The following CCSAP variants were observed in gnomAD, a reference collection of about 807,000 sequenced individuals.
CCSAP encodes centriole, cilia and spindle-associated protein.
CCSAP carries 17 observed loss-of-function variants against 25.9 expected under a neutral mutation model. The ratio of observed to expected loss-of-function variants is 0.66; its 90% CI spans 0.45 to 0.99. The LOEUF (loss-of-function observed/expected upper bound fraction) is 0.99, where lower values mean the gene tolerates loss of function less well. Among genes scored for constraint, CCSAP ranks in the 50% least tolerant of loss-of-function variants. The probability of loss-of-function intolerance (pLI) is 0.00; values close to 1 mark genes in which losing one functional copy is unlikely to be tolerated. For synonymous variants in CCSAP, 169 were observed against 157.1 expected (o/e 1.08, Z -0.57); for missense variants, 339 against 367.8 (o/e 0.92, Z 0.64).
At chr1:229,334,984 G>A (rs912159168) in intron 2 of CCSAP, among the ~76,000 whole-genome samples, 2 of 152,096 alleles carry the variant, frequency 1.3e-5, no homozygotes, top group African/African-American at 4.8e-5. Context: ...AACTGCCAGA[G>A]GGGAAAGGCC....
chr1:229,338,382 G>A (rs1278050475), intron 2 of CCSAP, among the ~76,000 whole-genome samples: 1 of 152,138 alleles, frequency 6.6e-6, no homozygotes, highest in Admixed American at 6.6e-5. Context: ...TTAAATTACT[G>A]CACATGTAAA....
rs1235256507 is a variant in CCSAP, at chr1:229,322,361, C to T, written c.*2874G>A. 2.0e-5 allele frequency: 3 copies of T among 152,180 alleles called. No homozygotes were observed. The highest frequency in any genetic ancestry group is 2.4e-5 in the African/African-American group (1 of 41,538). The allele number at this position is 152,180 out of a possible 1,614,324, so 9.4% of individuals were successfully genotyped here. A position where few individuals can be genotyped will look rare whatever the true frequency, so the allele number is the denominator to read the frequency against. On this transcript the variant is annotated 3_prime_UTR_variant, in exon 4 of 4. Coordinates refer to ENST00000284617, the MANE Select transcript of CCSAP (RefSeq NM_145257.5). ...CTTCAAGTTGCTAGCAATTGATCTT[C>T]GATGAAACACAATGACAAAGATATT...
At chr1:229,337,706 C>CATATAT (rs397733324) in intron 2 of CCSAP, among the ~76,000 whole-genome samples, 1,215 of 88,088 alleles carry the variant, frequency 0.014, 69 homozygotes, top group African/African-American at 0.055. Context: ...TATACACATA[C>CATATAT]ATATATATAT....
chr1:229,340,735 T>C lies in CCSAP; in HGVS notation c.367+1364A>G, dbSNP rs190605100. ...ATGAGCTGAAAATAGCTGAAGATGGTAAAACCAAGAGCAAAGCAACCCGGC... is the reference window on the plus strand; with the variant it reads ...ATGAGCTGAAAATAGCTGAAGATGGCAAAACCAAGAGCAAAGCAACCCGGC... On this transcript the variant is annotated intron_variant, in intron 2 of 3. Transcript: ENST00000284617. 225 of 320,470 alleles carry C rather than the reference T, an allele frequency of 7.0e-4. 2 individuals carry two copies. Among genetic ancestry groups the C allele is most frequent in the Non-Finnish European group, 9.3e-4 (165 of 177,122 alleles). 19.9% of individuals were successfully genotyped at this position (320,470 alleles called of 1,614,324 possible).
chr1:229,338,843 C>G (rs530996316), intron 2 of CCSAP, among the ~76,000 whole-genome samples: 1 of 151,302 alleles, frequency 6.6e-6, no homozygotes, highest in Non-Finnish European at 1.5e-5. Flanking sequence ...TAAAAAGGGA[C>G]GGAAAGGAGG....
In CCSAP at chr1:229,323,849, TACTC is replaced by T. The variant is rs1308655856; in HGVS notation, c.*1382_*1385del. On this transcript the variant is annotated 3_prime_UTR_variant, in exon 4 of 4. Coordinates refer to ENST00000284617, the MANE Select transcript of CCSAP (RefSeq NM_145257.5). ...GACCCAGAGAAAAATACTAAGGTAA[TACTC>T]AGCCTCACGTCCACTCACACATCTT... 6.6e-6 allele frequency: 1 copy of T among 152,222 alleles called. No individual in the cohort carries two copies. Among genetic ancestry groups the T allele is most frequent in the Non-Finnish European group, 1.5e-5 (1 of 68,050 alleles). 9.4% of individuals were successfully genotyped at this position (152,222 alleles called of 1,614,324 possible). A position where few individuals can be genotyped will look rare whatever the true frequency, so the allele number is the denominator to read the frequency against.
chr1:229,326,928 G>A lies in CCSAP; in HGVS notation c.446C>T (p.Thr149Ile). ...GGCACTTGGTTGCTGTCGAGGCTCA[G>A]TACTGGTGGGTGATTTGTCAGTCTC... ...TRETDKSPTS[T>I]EPRQQPSALF... Residue 149 changes from threonine to isoleucine, a missense_variant, in exon 3 of 4, where the codon ACT becomes ATT. Thr to Ile is a moderately conservative substitution (Grantham distance 89, BLOSUM62 -1). Transcript: ENST00000284617. The A allele has an allele frequency of 6.2e-7, 1 of 1,614,190 alleles. No homozygotes were observed. Among genetic ancestry groups the A allele is most frequent in the Non-Finnish European group, 8.5e-7 (1 of 1,180,022 alleles).
chr1:229,333,428 A>G (rs775738527), intron 2 of CCSAP, among the ~76,000 whole-genome samples: 47 of 119,888 alleles, frequency 3.9e-4, no homozygotes, highest in Non-Finnish European at 6.6e-4. Flanking sequence ...GCGAGACTCC[A>G]TCGAAAAAAA....
In CCSAP at chr1:229,342,550, C is replaced by T. The variant is rs889320241; in HGVS notation, c.-48-37G>A. On this transcript the variant is annotated intron_variant, in intron 1 of 3. Transcript: ENST00000284617. This position sits in a 1 kb window ranked among gnomAD's most constrained non-coding sequence, Gnocchi z 7.5. Reference sequence around the variant, plus strand: ...GGTACACGACACAGAGGCCGCCCCGCCCCTCCGCCGGCCCTGCCCGCCGCG... The same window carrying T: ...GGTACACGACACAGAGGCCGCCCCGTCCCTCCGCCGGCCCTGCCCGCCGCG... The T allele has an allele frequency of 3.0e-5, 28 of 937,886 alleles. No individual in the cohort carries two copies. Among genetic ancestry groups the T allele is most frequent in the African/African-American group, 5.1e-5 (3 of 58,436 alleles). 58.1% of individuals were successfully genotyped at this position (937,886 alleles called of 1,614,324 possible).
chr1:229,339,369 T>C (rs1478129785), intron 2 of CCSAP, among the ~76,000 whole-genome samples: 1 of 150,196 alleles, frequency 6.7e-6, no homozygotes, highest in African/African-American at 2.5e-5. Context: ...GCCCCCAGAG[T>C]TTCTACGGAC....
intron 2 of CCSAP, among the ~76,000 whole-genome samples, chr1:229,330,387 G>A (rs1198342220): frequency 6.6e-6 from 1 of 152,192 alleles, no homozygotes; most frequent in Non-Finnish European, 1.5e-5. Context: ...AAGTCACCCA[G>A]AAGAAACACA....
Position 229,321,725 on chromosome 1 carries a change from T to C in CCSAP, c.*3510A>G, listed in dbSNP as rs963801056. 1.3e-5 allele frequency: 2 copies of C among 152,228 alleles called. No homozygotes were observed. Among genetic ancestry groups the C allele is most frequent in the Admixed American group, 6.5e-5 (1 of 15,274 alleles). 9.4% of individuals were successfully genotyped at this position (152,228 alleles called of 1,614,324 possible). ...AAGAAAAATTGTTTTACTTCTGATA[T>C]ATGCTTTGCTCCTCCTCCTCTTTGC... is the stretch of plus-strand genomic sequence containing the variant. On this transcript the variant is annotated 3_prime_UTR_variant, in exon 4 of 4. Coordinates refer to ENST00000284617, the MANE Select transcript of CCSAP (RefSeq NM_145257.5).
intron 2 of CCSAP, 121 bp downstream of exon 2, chr1:229,341,978 G>GAA (rs752309004): frequency 1.7e-4 from 155 of 916,116 alleles, no homozygotes; most frequent in Middle Eastern, 2.7e-4. Flanking sequence ...TCTGTCAACC[G>GAA]AAAAAAAAAA....
intron 2 of CCSAP, among the ~76,000 whole-genome samples, chr1:229,329,204 C>G (rs1658012045): frequency 6.6e-6 from 1 of 152,220 alleles, no homozygotes; most frequent in South Asian, 2.1e-4. Flanking sequence ...TGATTCACTT[C>G]CCCTCTCTTC....
At chr1:229,333,241 G>A (rs959114285) in intron 2 of CCSAP, among the ~76,000 whole-genome samples, 19 of 151,678 alleles carry the variant, frequency 1.3e-4, no homozygotes, top group Admixed American at 1.1e-3. Context: ...GACCATCCTG[G>A]GTAACACGGT....
intron 3 of CCSAP, among the ~76,000 whole-genome samples, chr1:229,325,946 A>G (rs1657930424): frequency 6.6e-6 from 1 of 152,226 alleles, no homozygotes; most frequent in South Asian, 2.1e-4. Flanking sequence ...ATCACTCCAA[A>G]TAACACCATT....
Position 229,342,527 on chromosome 1 carries a change from T to A in CCSAP, c.-48-14A>T. ...GCTGCCCGCAGCCTACGGGACCCGGTACACGACACAGAGGCCGCCCCGCCC... is the reference window on the plus strand; with the variant it reads ...GCTGCCCGCAGCCTACGGGACCCGGAACACGACACAGAGGCCGCCCCGCCC... On this transcript the variant is annotated splice_polypyrimidine_tract_variant and intron_variant, in intron 1 of 3. Transcript: ENST00000284617. This position sits in a 1 kb window ranked among gnomAD's most constrained non-coding sequence, Gnocchi z 7.5. 1 of 1,159,254 alleles carries A rather than the reference T, an allele frequency of 8.6e-7. No homozygotes were observed. Among genetic ancestry groups the A allele is most frequent in the South Asian group, 3.1e-5 (1 of 31,956 alleles). The allele number at this position is 1,159,254 out of a possible 1,614,324, so 71.8% of individuals were successfully genotyped here. A position where few individuals can be genotyped will look rare whatever the true frequency, so the allele number is the denominator to read the frequency against.
intron 2 of CCSAP, among the ~76,000 whole-genome samples, chr1:229,337,706 CAT>C (rs397733324): frequency 5.6e-5 from 5 of 88,624 alleles, no homozygotes; most frequent in Non-Finnish European, 1.1e-4. Context: ...TATACACATA[CAT>C]ATATATATAT....
Position 229,326,954 on chromosome 1 carries a change from T to G in CCSAP, c.420A>C (p.Arg140Ser), listed in dbSNP as rs1176696280. 7 of 1,614,232 alleles carry G rather than the reference T, an allele frequency of 4.3e-6. No homozygotes were observed. Among genetic ancestry groups the G allele is most frequent in the Non-Finnish European group, 5.1e-6 (6 of 1,180,036 alleles). ...TACTGGTGGGTGATTTGTCAGTCTC[T>G]CTTGTTCTGGTTTGTTGTTCAGGTT... ...EDKPEQQTRT[R>S]ETDKSPTSTE... The change falls in exon 3 of 4, where the codon AGA becomes AGC. Residue 140 changes from arginine to serine, a missense_variant. Physicochemically the swap from Arg to Ser is moderately radical, Grantham distance 110 (BLOSUM62 -1). Coordinates refer to ENST00000284617, the MANE Select transcript of CCSAP (RefSeq NM_145257.5).
Sources: gnomAD v4.1 joint callset for allele counts (sites outside exome capture counted in the v4.1 genomes callset) on GRCh38, gnomAD v4.1.1 for gene constraint, Gnocchi (gnomAD v3.1) non-coding constraint, MANE v1.5 for transcripts, NCBI Gene and HGNC (gene_info 2026-07-23, HGNC 2026-07-21) for gene names.